The following RANBP17 variants were observed in gnomAD, a reference collection of about 807,000 sequenced individuals.
RANBP17 encodes the protein ran-binding protein 17.
A neutral mutation model predicts 141.2 loss-of-function variants in RANBP17; 158 were observed. The ratio of observed to expected loss-of-function variants is 1.12; its 90% CI spans 0.98 to 1.28. The LOEUF is 1.28. Ranked by LOEUF, RANBP17 falls within the 50% of genes most tolerant of loss-of-function variation. The pLI is 0.00. For synonymous variants in RANBP17, 430 were observed against 450.0 expected, an observed-to-expected ratio of 0.96 and a Z score of 0.56; for missense variants, 1,438 against 1,290.7, an observed-to-expected ratio of 1.11 and a Z score of -1.75.
rs1862551 is a variant in RANBP17, at chr5:170,890,140, C to T, written c.257-2247C>T. On this transcript the variant is annotated intron_variant, in intron 3 of 27. Coordinates refer to ENST00000523189, the MANE Select transcript of RANBP17 (RefSeq NM_022897.5). ...GTTTTATTATTATTTTGAGATTACC[C>T]TCCTCCTAGTGGTCACTACTACCCA... is the stretch of plus-strand genomic sequence containing the variant. Among the ~76,000 whole-genome samples, 298 of 152,178 alleles carry T rather than the reference C, an allele frequency of 2.0e-3. 4 individuals carry two copies. The East Asian group carries it at 0.032, about 17-fold the overall frequency.
At chr5:171,277,637 G>GTATGTATATGTGTATATATATATA (rs1554127913) in intron 25 of RANBP17, among the ~76,000 whole-genome samples, 4 of 56,918 alleles carry the variant, frequency 7.0e-5, no homozygotes, top group Admixed American at 2.7e-4. Flanking sequence ...ATATATGTAT[G>GTATGTATATGTGTATATATATATA]TATATATATA....
At chr5:171,268,785 T>G (rs2128024033) in intron 25 of RANBP17, among the ~76,000 whole-genome samples, 1 of 152,340 alleles carries the variant, frequency 6.6e-6, no homozygotes. Context: ...TATTGTCCCA[T>G]AAACTTTGGC....
At chr5:171,262,883 A>T (rs1256407772) in intron 24 of RANBP17, among the ~76,000 whole-genome samples, 1 of 152,102 alleles carries the variant, frequency 6.6e-6, no homozygotes, top group African/African-American at 2.4e-5. Flanking sequence ...ATCCCTCATG[A>T]TCCTGTATTA....
chr5:171,129,350 G>A (rs892073948), intron 14 of RANBP17, among the ~76,000 whole-genome samples: 1 of 152,018 alleles, frequency 6.6e-6, no homozygotes, highest in Non-Finnish European at 1.5e-5. Context: ...TACCTGACTC[G>A]GGTGATATTT....
At chr5:171,210,419 G>A (rs146578594) in intron 20 of RANBP17, among the ~76,000 whole-genome samples, 48 of 152,158 alleles carry the variant, frequency 3.2e-4, no homozygotes, top group Non-Finnish European at 5.1e-4. Context: ...GCCTTATCCC[G>A]TAGTGAATAC....
chr5:171,286,267 GCTT>G (rs1768164835), intron 25 of RANBP17, among the ~76,000 whole-genome samples: 1 of 152,152 alleles, frequency 6.6e-6, no homozygotes, highest in East Asian at 1.9e-4. Flanking sequence ...GAGGTAAAAA[GCTT>G]CTTTTTTTAA....
chr5:170,977,526 C>T (rs1777468777), intron 14 of RANBP17, among the ~76,000 whole-genome samples: 1 of 152,016 alleles, frequency 6.6e-6, no homozygotes, highest in African/African-American at 2.4e-5. Flanking sequence ...CTACACTCTA[C>T]ATAAACATTT....
In RANBP17 at chr5:170,896,023, G is replaced by C. The variant is rs140345833; in HGVS notation, c.424-27G>C. The C allele has an allele frequency of 4.3e-5, 64 of 1,494,396 alleles. No individual in the cohort carries two copies. In the East Asian group the frequency reaches 1.5e-3, roughly 34 times the overall value. 92.6% of individuals were successfully genotyped at this position (1,494,396 alleles called of 1,614,324 possible). A position where few individuals can be genotyped will look rare whatever the true frequency, so the allele number is the denominator to read the frequency against. On this transcript the variant is annotated intron_variant, in intron 4 of 27. Coordinates refer to ENST00000523189, the MANE Select transcript of RANBP17 (RefSeq NM_022897.5). ...AGAACCAATCACTTGTCTCCACTTA[G>C]GCTAAACTTTGTTATTTTCTCCAAA... is the stretch of plus-strand genomic sequence containing the variant.
chr5:171,011,631 C>A (rs1348781434), intron 14 of RANBP17, among the ~76,000 whole-genome samples: 1 of 151,888 alleles, frequency 6.6e-6, no homozygotes, highest in Admixed American at 6.6e-5. Context: ...TGATATATAA[C>A]CTTTTTTTGG....
chr5:171,238,561 C>T (rs1490083047), intron 22 of RANBP17, among the ~76,000 whole-genome samples: 2 of 152,098 alleles, frequency 1.3e-5, no homozygotes, highest in African/African-American at 4.8e-5. Context: ...GCCTTCCCAA[C>T]AAACACAAAA....
chr5:171,203,763 A>T (rs557646486), intron 19 of RANBP17, among the ~76,000 whole-genome samples: 2 of 152,226 alleles, frequency 1.3e-5, no homozygotes, highest in South Asian at 4.2e-4. Flanking sequence ...AGAAAGTAAA[A>T]CTCATGGTTC....
At chr5:171,107,409 G>C (rs953756609) in intron 14 of RANBP17, among the ~76,000 whole-genome samples, 6 of 152,142 alleles carry the variant, frequency 3.9e-5, no homozygotes, top group African/African-American at 1.4e-4. Context: ...AGTGAGTATT[G>C]AGTGCAAGCA....
intron 20 of RANBP17, chr5:171,205,904 A>G (rs562629340): frequency 9.0e-6 from 4 of 444,430 alleles, no homozygotes; most frequent in Non-Finnish European, 1.7e-5. Context: ...TCTGGCTAAC[A>G]TCTTTAGGGA....
chr5:171,089,250 G>GT (rs1266549244), intron 14 of RANBP17, among the ~76,000 whole-genome samples: 47 of 87,480 alleles, frequency 5.4e-4, no homozygotes, highest in African/African-American at 1.2e-3. Flanking sequence ...TGCTGGGGGG[G>GT]GCCTCCCAGT....
intron 16 of RANBP17, among the ~76,000 whole-genome samples, chr5:171,175,723 C>A (rs1281789307): frequency 6.6e-6 from 1 of 151,950 alleles, no homozygotes; most frequent in Non-Finnish European, 1.5e-5. Context: ...ATCAGAACCA[C>A]AATGAGATAC....
chr5:171,105,224 T>C (rs1754719562), intron 14 of RANBP17, among the ~76,000 whole-genome samples: 1 of 148,556 alleles, frequency 6.7e-6, no homozygotes, highest in Non-Finnish European at 1.5e-5. Context: ...CTACTAAAAA[T>C]ACAAAAAATT....
At chr5:170,906,532 C>T (rs1454786431) in intron 5 of RANBP17, among the ~76,000 whole-genome samples, 1 of 151,930 alleles carries the variant, frequency 6.6e-6, no homozygotes, top group Non-Finnish European at 1.5e-5. Context: ...AAGATGGACT[C>T]CTCTGGGCTC....
At chr5:170,938,495 A>G (rs1056296943) in intron 12 of RANBP17, among the ~76,000 whole-genome samples, 2 of 152,210 alleles carry the variant, frequency 1.3e-5, no homozygotes, top group African/African-American at 2.4e-5. Flanking sequence ...TAGAACCCCT[A>G]TCTCCTAAAG....
intron 14 of RANBP17, among the ~76,000 whole-genome samples, chr5:171,008,366 G>A (rs899462927): frequency 2.0e-5 from 3 of 152,194 alleles, no homozygotes; most frequent in Non-Finnish European, 2.9e-5. Flanking sequence ...GAGGACAGGG[G>A]ACTGGTCTCC....
Sources: allele counts gnomAD v4.1 joint callset (sites outside exome capture counted in the v4.1 genomes callset), GRCh38; gene constraint gnomAD v4.1.1; transcripts MANE v1.5; gene names NCBI Gene and HGNC (gene_info 2026-07-23, HGNC 2026-07-21).